SNPH: variants seen among roughly 807,000 people sequenced by gnomAD.
SNPH encodes the protein syntaphilin.
In SNPH, 10 loss-of-function variants were observed where a neutral mutation model predicts 36.8. The observed-to-expected ratio is 0.27, with a 90% confidence interval of 0.17 to 0.46. The LOEUF (loss-of-function observed/expected upper bound fraction) is 0.46. Ranked by LOEUF, SNPH falls within the 20% of genes least tolerant of loss-of-function variation. The pLI is 1.00. For synonymous variants in SNPH, 281 were observed against 312.2 expected (o/e 0.90, Z 1.05); for missense variants, 622 against 744.0 (o/e 0.84, Z 1.91).
rs765493646 is a variant in SNPH, at chr20:1,305,970, G to A, written c.1533G>A (p.Val511=). 3.9e-6 allele frequency: 6 copies of A among 1,557,262 alleles called. No homozygotes were observed. In the East Asian group the frequency reaches 1.2e-4, roughly 31 times the overall value. The change falls in exon 7 of 7, where the codon GTG becomes GTA. Residue 511 remains valine (V), a synonymous_variant. Coordinates refer to ENST00000381867, the MANE Select transcript of SNPH (RefSeq NM_001318234.2). ...ISSLLRGCCT[V]ALHSIRRISC... is the part of the protein sequence containing the mutation. ...CCCTGCTGCGGGGCTGCTGCACTGTGGCCTTGCACTCCATCCGCAGGATCA... is the reference window on the plus strand; with the variant it reads ...CCCTGCTGCGGGGCTGCTGCACTGTAGCCTTGCACTCCATCCGCAGGATCA...
chr20:1,284,095 T>C (rs2088256771), intron 2 of SNPH, among the ~76,000 whole-genome samples: 1 of 152,200 alleles, frequency 6.6e-6, no homozygotes, highest in Admixed American at 6.5e-5. Context: ...CCAGCTGAGC[T>C]CTTGCATATA....
intron 5 of SNPH, among the ~76,000 whole-genome samples, chr20:1,299,983 A>G (rs2088484909): frequency 6.6e-6 from 1 of 152,196 alleles, no homozygotes; most frequent in Admixed American, 6.5e-5. Flanking sequence ...TCTCAGCTCT[A>G]GAGAGGAGAG....
At chr20:1,299,080 G>C (rs1274025671) in intron 5 of SNPH, among the ~76,000 whole-genome samples, 2 of 152,032 alleles carry the variant, frequency 1.3e-5, no homozygotes, top group East Asian at 3.9e-4. Context: ...GCGTGACTTG[G>C]CTTGAGTTGA....
At chr20:1,271,985 A>G (rs1377472366) in intron 2 of SNPH, among the ~76,000 whole-genome samples, 1 of 152,218 alleles carries the variant, frequency 6.6e-6, no homozygotes, top group African/African-American at 2.4e-5. Context: ...AGACGAGGAC[A>G]TTCAGATGAC....
intron 2 of SNPH, among the ~76,000 whole-genome samples, chr20:1,286,180 C>A (rs1473009207): frequency 1.3e-5 from 2 of 150,402 alleles, no homozygotes; most frequent in African/African-American, 4.9e-5. Flanking sequence ...TTTTAGAATG[C>A]TTCACTTTGG....
chr20:1,267,230 GA>G (rs1275685251), intron 2 of SNPH, among the ~76,000 whole-genome samples: 3 of 151,682 alleles, frequency 2.0e-5, no homozygotes, highest in African/African-American at 4.8e-5. Flanking sequence ...TAGATCTGGG[GA>G]AAAAATGCCC....
chr20:1,280,101 G>A (rs754001953), intron 2 of SNPH, among the ~76,000 whole-genome samples: 3 of 152,220 alleles, frequency 2.0e-5, no homozygotes, highest in South Asian at 4.1e-4. Context: ...TGGCCGGAGC[G>A]GTGCCCACAG....
rs2088591433 is a variant in SNPH, at chr20:1,307,293, A to G, written c.*1239A>G. On this transcript the variant is annotated 3_prime_UTR_variant, in exon 7 of 7. Transcript: ENST00000381867. ...GTGTCCTGGGATAGGTTTCCTAGGC[A>G]GGGGCGTGGCAGAGCAGGTAGGCGC... The G allele has an allele frequency of 6.6e-6, 1 of 152,268 alleles. No homozygotes were observed. Among genetic ancestry groups the G allele is most frequent in the Non-Finnish European group, 1.5e-5 (1 of 68,036 alleles). The allele number at this position is 152,268 out of a possible 1,614,324, so 9.4% of individuals were successfully genotyped here.
intron 2 of SNPH, among the ~76,000 whole-genome samples, chr20:1,267,452 G>C (rs912262816): frequency 1.3e-5 from 2 of 152,182 alleles, no homozygotes; most frequent in Non-Finnish European, 2.9e-5. Context: ...TGGTGGTGTC[G>C]GGATGGGCTG....
At chr20:1,288,623 T>TC in intron 2 of SNPH, among the ~76,000 whole-genome samples, 1 of 149,768 alleles carries the variant, frequency 6.7e-6, no homozygotes, top group South Asian at 2.1e-4. Context: ...CTTTTTCTTT[T>TC]TTTCTTTTTT....
intron 2 of SNPH, among the ~76,000 whole-genome samples, chr20:1,273,369 A>G (rs1328099426): frequency 2.6e-5 from 4 of 152,226 alleles, no homozygotes; most frequent in Non-Finnish European, 5.9e-5. Flanking sequence ...CAGTTAATCA[A>G]ATATTCATCA....
chr20:1,287,318 G>A (rs1030399915), intron 2 of SNPH, among the ~76,000 whole-genome samples: 1 of 152,114 alleles, frequency 6.6e-6, no homozygotes. Flanking sequence ...TTTATGAGCT[G>A]CCTTAAAATG....
chr20:1,269,000 C>A (rs1354939160), intron 2 of SNPH, among the ~76,000 whole-genome samples: 1 of 152,086 alleles, frequency 6.6e-6, no homozygotes, highest in East Asian at 1.9e-4. Flanking sequence ...CAGATGGTGC[C>A]AGCTGGTGTG....
In SNPH at chr20:1,266,808, G is replaced by A; in HGVS notation, c.-493+48G>A. On this transcript the variant is annotated intron_variant, in intron 2 of 6. Coordinates refer to ENST00000381867, the MANE Select transcript of SNPH (RefSeq NM_001318234.2). This position sits in a 1 kb window ranked among gnomAD's most constrained non-coding sequence, Gnocchi z 6.0. ...GGGAGCTGGCCCTGCGCTGCACCGC[G>A]GCAGGTGGGGGCCGCTTGCAACCGC... The A allele has an allele frequency of 7.7e-7, 1 of 1,306,466 alleles. No individual in the cohort carries two copies. The highest frequency in any genetic ancestry group is 2.2e-5 in the South Asian group (1 of 45,042). The allele number at this position is 1,306,466 out of a possible 1,614,324, so 80.9% of individuals were successfully genotyped here.
chr20:1,297,843 A>G (rs2088459047), intron 5 of SNPH, among the ~76,000 whole-genome samples: 2 of 152,228 alleles, frequency 1.3e-5, no homozygotes, highest in Non-Finnish European at 2.9e-5. Flanking sequence ...AGAAAGCAAG[A>G]TGAGTATTGG....
intron 2 of SNPH, among the ~76,000 whole-genome samples, chr20:1,272,397 T>C (rs1366529108): frequency 6.6e-6 from 1 of 152,210 alleles, no homozygotes; most frequent in Non-Finnish European, 1.5e-5. Context: ...TTGGGCTGTT[T>C]GGGGATTGTA....
rs562858737 is a variant in SNPH, at chr20:1,294,573, T to C, written c.-492-378T>C. ...AGAAGCTCAGGTGACAGGTGTGGTG[T>C]CGGCAGGTCCTGCAGCCCAGCACCC... On this transcript the variant is annotated intron_variant, in intron 2 of 6. Coordinates refer to ENST00000381867, the MANE Select transcript of SNPH (RefSeq NM_001318234.2). This position sits in a 1 kb window ranked among gnomAD's most constrained non-coding sequence, Gnocchi z 4.4. Among the ~76,000 whole-genome samples, 1 of 152,270 alleles carries C rather than the reference T, an allele frequency of 6.6e-6. No homozygotes were observed. Among genetic ancestry groups the C allele is most frequent in the Non-Finnish European group, 1.5e-5 (1 of 68,024 alleles).
intron 2 of SNPH, among the ~76,000 whole-genome samples, chr20:1,273,782 G>T: frequency 6.6e-6 from 1 of 152,064 alleles, no homozygotes; most frequent in Non-Finnish European, 1.5e-5. Context: ...CGTAAAGATG[G>T]GACGGAGAAA....
At chr20:1,297,935 C>T (rs1054975786) in intron 5 of SNPH, among the ~76,000 whole-genome samples, 10 of 152,134 alleles carry the variant, frequency 6.6e-5, no homozygotes, top group African/African-American at 1.7e-4. Flanking sequence ...GCTTGGAAGG[C>T]GAAATGTTAC....
Sources: allele counts gnomAD v4.1 joint callset (sites outside exome capture counted in the v4.1 genomes callset), GRCh38; gene constraint gnomAD v4.1.1; non-coding constraint Gnocchi (gnomAD v3.1); transcripts MANE v1.5; gene names NCBI Gene and HGNC (gene_info 2026-07-23, HGNC 2026-07-21).